SARNP: variants seen among roughly 807,000 people sequenced by gnomAD.
The protein encoded by SARNP is SAP domain containing ribonucleoprotein, also known as SAP domain-containing ribonucleoprotein.
A neutral mutation model predicts 38.1 loss-of-function variants in SARNP; 5 were observed. That is an observed-to-expected ratio of 0.13 (90% confidence interval 0.07 to 0.28). SARNP has a LOEUF of 0.28. Among genes scored for constraint, SARNP ranks in the 10% least tolerant of loss-of-function variants. The probability of loss-of-function intolerance (pLI) is 1.00; values close to 1 mark genes in which losing one functional copy is unlikely to be tolerated. For missense variants in SARNP, 180 were observed against 243.9 expected (o/e 0.74, Z 1.75); for synonymous variants, 84 against 80.6 (o/e 1.04, Z -0.23).
chr12:55,807,787 CGG>C (rs1482596498), intron 1 of SARNP, among the ~76,000 whole-genome samples: 1 of 148,708 alleles, frequency 6.7e-6, no homozygotes. Flanking sequence ...GTACTTCCAC[CGG>C]GGTGACAGAG....
At chr12:55,807,861 C>T (rs1458154424) in intron 1 of SARNP, among the ~76,000 whole-genome samples, 1 of 151,072 alleles carries the variant, frequency 6.6e-6, no homozygotes, top group Non-Finnish European at 1.5e-5. Context: ...ATCTTTCTCA[C>T]ACTGATACAT....
chr12:55,808,322 AT>A (rs879523789), intron 1 of SARNP, among the ~76,000 whole-genome samples: 78 of 144,886 alleles, frequency 5.4e-4, no homozygotes, highest in Admixed American at 6.9e-4. Flanking sequence ...TGTTCCTACA[AT>A]TTTTTTTTTT....
chr12:55,766,145 C>G (rs981620566), intron 9 of SARNP, among the ~76,000 whole-genome samples: 13 of 152,188 alleles, frequency 8.5e-5, no homozygotes, highest in African/African-American at 3.1e-4. Context: ...CTCAGTGTCA[C>G]ATGCATTTGA....
rs1469833132 is a variant in SARNP, at chr12:55,766,804, TAG to T, written c.502-6166_502-6165del. On this transcript the variant is annotated intron_variant, in intron 9 of 10. Transcript: ENST00000336133. ...CGCCCAACTAATTTTTGTTTTTTTG[TAG>T]AGAGAGGGTTTCACCATGTTGCCCA... 2.0e-5 allele frequency among the ~76,000 whole-genome samples: 3 copies of T among 152,146 alleles called. No individual in the cohort carries two copies. The East Asian group carries it at 5.8e-4, about 29-fold the overall frequency.
chr12:55,787,877 T>C (rs539985673), intron 9 of SARNP, among the ~76,000 whole-genome samples: 7 of 152,038 alleles, frequency 4.6e-5, no homozygotes, highest in South Asian at 4.2e-4. Context: ...GCCTCCTGAG[T>C]AGCTGAGACT....
At chr12:55,762,188 G>A (rs976094180) in intron 9 of SARNP, among the ~76,000 whole-genome samples, 4 of 152,170 alleles carry the variant, frequency 2.6e-5, no homozygotes, top group African/African-American at 9.6e-5. Context: ...TTGGGAGGCT[G>A]AGGCAGGAAA....
intron 9 of SARNP, among the ~76,000 whole-genome samples, chr12:55,787,500 G>A (rs970221539): frequency 5.9e-5 from 9 of 151,536 alleles, no homozygotes; most frequent in South Asian, 2.1e-4. Context: ...ATAGTAGCAC[G>A]ATCTCGGCTC....
At chr12:55,811,768 T>A (rs1316589662) in intron 1 of SARNP, among the ~76,000 whole-genome samples, 1 of 152,196 alleles carries the variant, frequency 6.6e-6, no homozygotes, top group African/African-American at 2.4e-5. Flanking sequence ...TCACTAAGAT[T>A]CCTTCTTTGG....
At chr12:55,794,956 TTAAA>T in intron 5 of SARNP, 76 bp from the exon 6 acceptor site, 1 of 344,660 alleles carries the variant, frequency 2.9e-6, no homozygotes, top group Non-Finnish European at 5.1e-6. Context: ...GTAGGTATCT[TTAAA>T]AAAAAAAAAA....
At chr12:55,816,616 G>A (rs959914266) in intron 1 of SARNP, among the ~76,000 whole-genome samples, 33 of 152,050 alleles carry the variant, frequency 2.2e-4, no homozygotes, top group Non-Finnish European at 4.4e-4. Flanking sequence ...AAAACTTTTC[G>A]AGCTTTAAAG....
chr12:55,804,696 C>A (rs1199109389), intron 1 of SARNP, among the ~76,000 whole-genome samples: 1 of 152,082 alleles, frequency 6.6e-6, no homozygotes, highest in Admixed American at 6.6e-5. Flanking sequence ...GGGCTCTATA[C>A]TCTTATTTTA....
At chr12:55,798,551 T>C (rs1201305693) in intron 4 of SARNP, among the ~76,000 whole-genome samples, 7 of 152,198 alleles carry the variant, frequency 4.6e-5, no homozygotes, top group Admixed American at 4.6e-4. Context: ...ATGTTAAATG[T>C]ACATCCTCTG....
intron 9 of SARNP, among the ~76,000 whole-genome samples, chr12:55,787,505 C>T (rs1397303151): frequency 6.6e-6 from 1 of 152,080 alleles, no homozygotes; most frequent in Non-Finnish European, 1.5e-5. Context: ...AGCACGATCT[C>T]GGCTCACTAC....
At chr12:55,780,005 G>A (rs1032185397) in intron 9 of SARNP, among the ~76,000 whole-genome samples, 10 of 152,100 alleles carry the variant, frequency 6.6e-5, no homozygotes, top group African/African-American at 1.9e-4. Context: ...AAAATTGACC[G>A]GGCGTGTTGG....
intron 9 of SARNP, among the ~76,000 whole-genome samples, chr12:55,767,499 T>C (rs1472607132): frequency 6.6e-6 from 1 of 151,598 alleles, no homozygotes; most frequent in Non-Finnish European, 1.5e-5. Context: ...CAGTGGGCCA[T>C]TGTCACGCCG....
downstream of SARNP, chr12:55,754,964 T>C (rs1011850637): frequency 6.6e-6 from 1 of 152,130 alleles, no homozygotes; most frequent in Admixed American, 6.5e-5. Flanking sequence ...GGGAAAGAGA[T>C]AACAAGAAAG....
At chr12:55,786,235 G>A (rs1323863506) in intron 9 of SARNP, among the ~76,000 whole-genome samples, 1 of 152,240 alleles carries the variant, frequency 6.6e-6, no homozygotes, top group Admixed American at 6.5e-5. Context: ...GGAGCTATGA[G>A]CTATGTAGTA....
intron 1 of SARNP, among the ~76,000 whole-genome samples, chr12:55,805,781 G>A (rs1286255588): frequency 1.3e-5 from 2 of 152,114 alleles, no homozygotes; most frequent in African/African-American, 2.4e-5. Context: ...CCTGGGAGGC[G>A]GAGGTTGCAG....
intron 7 of SARNP, 25 bp from the exon 8 acceptor site, chr12:55,790,617 T>C: frequency 6.8e-7 from 1 of 1,477,412 alleles, no homozygotes; most frequent in Non-Finnish European, 9.0e-7. Flanking sequence ...AAAGTTTTAT[T>C]TAATATTTTT....
Sources: allele counts gnomAD v4.1 joint callset (sites outside exome capture counted in the v4.1 genomes callset), GRCh38; gene constraint gnomAD v4.1.1; transcripts MANE v1.5; gene names NCBI Gene and HGNC (gene_info 2026-07-23, HGNC 2026-07-21).